The following CAD variants were observed in gnomAD, a reference collection of about 807,000 sequenced individuals.
The protein encoded by CAD is carbamoyl-phosphate synthetase 2, aspartate transcarbamylase, and dihydroorotase.
Under a neutral mutation model 237.2 loss-of-function variants are expected in CAD, and 81 were observed. The observed-to-expected ratio is 0.34, with a 90% CI of 0.29 to 0.41. CAD has a LOEUF of 0.41. CAD is among the 10% of genes least tolerant of loss of function. CAD has a pLI of 1.00. For missense variants in CAD, 2,181 were observed against 2,951.7 expected, an observed-to-expected ratio of 0.74 and a Z score of 6.05; for synonymous variants, 1,196 against 1,162.8, an observed-to-expected ratio of 1.03 and a Z score of -0.58.
chr2:27,232,180 G>T lies in CAD; in HGVS notation c.2601G>T (p.Lys867Asn). Residue 867 changes from lysine to asparagine, a missense_variant, in exon 17 of 44, where the codon AAG (lysine) becomes AAT (asparagine). This residue lies in a region of CAD where 385 missense variants were observed against 535.1 expected (regional missense o/e 0.72). Coordinates refer to ENST00000264705, the MANE Select transcript of CAD (RefSeq NM_004341.5). This position sits in a 1 kb window ranked among gnomAD's most constrained non-coding sequence, Gnocchi z 4.1. Reference protein sequence around the residue: ...PLPPDLLQQAKCLGFSDKQIA... With the variant: ...PLPPDLLQQANCLGFSDKQIA... ...CGCCAGACCTGCTGCAACAGGCCAA[G>T]TGTCTTGGCTTCTCAGACAAACAGA... is the stretch of plus-strand genomic sequence containing the variant. 1 of 1,614,246 alleles carries T rather than the reference G, an allele frequency of 6.2e-7. No homozygotes were observed. Among genetic ancestry groups the T allele is most frequent in the Non-Finnish European group, 8.5e-7 (1 of 1,180,046 alleles).
chr2:27,231,242 G>C (rs149395113), intron 15 of CAD, among the ~76,000 whole-genome samples: 1 of 152,148 alleles, frequency 6.6e-6, no homozygotes, highest in Non-Finnish European at 1.5e-5. Context: ...TCCTGACCTC[G>C]TGATCCTTCC....
Position 27,226,261 on chromosome 2 carries a change from A to C in CAD, c.1973A>C (p.His658Pro), listed in dbSNP as rs780774644. 6.8e-6 allele frequency: 11 copies of C among 1,614,090 alleles called. No individual in the cohort carries two copies. Among genetic ancestry groups the C allele is most frequent in the Non-Finnish European group, 1.7e-6 (2 of 1,180,038 alleles). ...CAGACAGCTATCAAGGTGACCCAGC[A>C]CCTGGGAATTGTTGGGGAGTGCAAT... ...LRQTAIKVTQ[H>P]LGIVGECNVQ... The change falls in exon 13 of 44, where the codon CAC becomes CCC. Residue 658 changes from histidine (H) to proline (P), a missense_variant. Physicochemically the swap from His to Pro is moderately conservative, Grantham distance 77 (BLOSUM62 -2). This residue lies in a region of CAD where 385 missense variants were observed against 535.1 expected (regional missense o/e 0.72). Transcript: ENST00000264705.
rs1470326730 is a variant in CAD, at chr2:27,236,560, G to T, written c.4314+37G>T. 3 of 1,604,980 alleles carry T rather than the reference G, an allele frequency of 1.9e-6. No homozygotes were observed. The highest frequency in any genetic ancestry group is 1.3e-5 in the African/African-American group (1 of 74,840). On this transcript the variant is annotated intron_variant, in intron 26 of 43. Coordinates refer to ENST00000264705, the MANE Select transcript of CAD (RefSeq NM_004341.5). The surrounding 1 kb of genome is among the most constrained non-coding windows in gnomAD (Gnocchi z 4.1). The stretch of plus-strand genomic sequence containing the variant: ...CCATGTGCTGGGAGGGAGACTGCCA[G>T]TGTTGATGGGAAGAAGAAAGAGGGA...
intron 43 of CAD, 46 bp from the exon 44 acceptor site, chr2:27,243,370 G>A (rs1676423690): frequency 6.2e-7 from 1 of 1,603,188 alleles, no homozygotes. Flanking sequence ...AGCCATCCAT[G>A]GGCTGCACGA....
At position 27,221,067 on chromosome 2, in the gene CAD, A is replaced by G. The variant is rs1675140967; in HGVS notation, c.223-151A>G. On this transcript the variant is annotated intron_variant, in intron 2 of 43. Coordinates refer to ENST00000264705, the MANE Select transcript of CAD (RefSeq NM_004341.5). The stretch of plus-strand genomic sequence containing the variant: ...CGTATAGGAGAGAGCGTTGTTGGTA[A>G]ATGGAAATACCTATGCAAAAGCACC... 3 of 485,420 alleles carry G rather than the reference A, an allele frequency of 6.2e-6. 1 individual carries two copies. In the South Asian group the frequency reaches 1.7e-4, roughly 28 times the overall value. The allele number at this position is 485,420 out of a possible 1,614,324, so 30.1% of individuals were successfully genotyped here.
At chr2:27,218,681 C>T (rs1292411470) in intron 2 of CAD, among the ~76,000 whole-genome samples, 1 of 135,272 alleles carries the variant, frequency 7.4e-6, no homozygotes, top group Non-Finnish European at 1.6e-5. Flanking sequence ...AACTGAGTTT[C>T]TTCCTACAGT....
chr2:27,236,576 G>A lies in CAD; in HGVS notation c.4314+53G>A. 1 of 1,601,802 alleles carries A rather than the reference G, an allele frequency of 6.2e-7. No individual in the cohort carries two copies. On this transcript the variant is annotated intron_variant, in intron 26 of 43. Transcript: ENST00000264705. The surrounding 1 kb of genome is among the most constrained non-coding windows in gnomAD (Gnocchi z 4.1). Reference sequence around the variant, plus strand: ...AGACTGCCAGTGTTGATGGGAAGAAGAAAGAGGGAGGAGTGAGTATGGAAC... The same window carrying A: ...AGACTGCCAGTGTTGATGGGAAGAAAAAAGAGGGAGGAGTGAGTATGGAAC...
chr2:27,226,757 G>A (rs1675460300), intron 14 of CAD, 75 bp from the exon 15 acceptor site: 4 of 1,603,256 alleles, frequency 2.5e-6, no homozygotes, highest in Admixed American at 1.7e-5. Context: ...TTGTGGGAAT[G>A]GAAAGAGCTA....
chr2:27,234,725 G>A (rs1675918337), intron 23 of CAD, 40 bp downstream of exon 23: 1 of 1,580,168 alleles, frequency 6.3e-7, no homozygotes, highest in African/African-American at 1.3e-5. Flanking sequence ...CAGAAAAATA[G>A]CGGGAGAGAG....
Position 27,240,653 on chromosome 2 carries a change from G to A in CAD, c.5594-258G>A, listed in dbSNP as rs1487852849. Reference sequence around the variant, plus strand: ...GTTGTTGGTTGGTGTGAGTCTGGCCGTTCCTCTTGCCTAGGATGCCTTTGC... The same window carrying A: ...GTTGTTGGTTGGTGTGAGTCTGGCCATTCCTCTTGCCTAGGATGCCTTTGC... On this transcript the variant is annotated intron_variant, in intron 35 of 43. Coordinates refer to ENST00000264705, the MANE Select transcript of CAD (RefSeq NM_004341.5). This position sits in a 1 kb window ranked among gnomAD's most constrained non-coding sequence, Gnocchi z 4.6. 21 of 1,539,690 alleles carry A rather than the reference G, an allele frequency of 1.4e-5. No individual in the cohort carries two copies. The highest frequency in any genetic ancestry group is 1.6e-5 in the Non-Finnish European group (18 of 1,139,770).
intron 10 of CAD, 26 bp from the exon 11 acceptor site, chr2:27,224,984 C>G (rs762949328): frequency 2.5e-6 from 4 of 1,605,300 alleles, no homozygotes; most frequent in Non-Finnish European, 3.4e-6. Context: ...GGTTCTGATG[C>G]CTGTAACTCC....
In CAD at chr2:27,238,606, T is replaced by C. The variant is rs1456439065; in HGVS notation, c.5036T>C (p.Val1679Ala). ...GAAGCCCTGTGGGAGAACATGGCTGTCATCGACTGCTTTGCCTCAGACCAT... is the reference window on the plus strand; with the variant it reads ...GAAGCCCTGTGGGAGAACATGGCTGCCATCGACTGCTTTGCCTCAGACCAT... ...DVEALWENMA[V>A]IDCFASDHAP... The change falls in exon 31 of 44, where the codon GTC becomes GCC. Residue 1679 changes from valine to alanine, a missense_variant. Coordinates refer to ENST00000264705, the MANE Select transcript of CAD (RefSeq NM_004341.5). 1 of 1,613,126 alleles carries C rather than the reference T, an allele frequency of 6.2e-7. No homozygotes were observed. The highest frequency in any genetic ancestry group is 1.1e-5 in the South Asian group (1 of 90,908).
At position 27,233,511 on chromosome 2, in the gene CAD, AGTGGAGGGAGCTCAGTGACCTCGAG is replaced by A; in HGVS notation, c.3196_3216+4del. 1 of 1,614,178 alleles carries A rather than the reference AGTGGAGGGAGCTCAGTGACCTCGAG, an allele frequency of 6.2e-7. No individual in the cohort carries two copies. The highest frequency in any genetic ancestry group is 8.5e-7 in the Non-Finnish European group (1 of 1,180,012). On this transcript the variant is annotated frameshift_variant and splice_region_variant, in exon 20 of 44. Transcript: ENST00000264705. LOFTEE classifies it high-confidence loss of function. The surrounding 1 kb of genome is among the most constrained non-coding windows in gnomAD (Gnocchi z 6.3). ...GACACCATTGGTATCAGCCAGCCTCAGTGGAGGGAGCTCAGTGACCTCGAGGTGGGCTGGGACCTGGTGGGTTACC... is the reference window on the plus strand; with the variant it reads ...GACACCATTGGTATCAGCCAGCCTCAGTGGGCTGGGACCTGGTGGGTTACC...
chr2:27,242,412 T>A lies in CAD; in HGVS notation c.6207T>A (p.Thr2069=). The A allele has an allele frequency of 6.2e-7, 1 of 1,613,878 alleles. No individual in the cohort carries two copies. The highest frequency in any genetic ancestry group is 1.3e-5 in the African/African-American group (1 of 75,046). The change falls in exon 40 of 44, where the codon ACT becomes ACA. Residue 2069 remains threonine, a synonymous_variant. Coordinates refer to ENST00000264705, the MANE Select transcript of CAD (RefSeq NM_004341.5). The surrounding 1 kb of genome is among the most constrained non-coding windows in gnomAD (Gnocchi z 6.4). ...TCACCATCCGTGAGGAGCTGGGAAC[T>A]GTCAATGGCATGACGGTGAGGGTGG... ...DIFTIREELG[T]VNGMTITMVG... is the part of the protein sequence containing the mutation.
Position 27,235,223 on chromosome 2 carries a change from C to G in CAD, c.3787-22C>G, listed in dbSNP as rs200377249. ...AGGTCCTCTCACACCTTGGCCCTCT[C>G]TCTTCCCTCCCGCCCCTTTAGGTGC... is the stretch of plus-strand genomic sequence containing the variant. On this transcript the variant is annotated intron_variant, in intron 23 of 43. Coordinates refer to ENST00000264705, the MANE Select transcript of CAD (RefSeq NM_004341.5). The surrounding 1 kb of genome is among the most constrained non-coding windows in gnomAD (Gnocchi z 5.2). 2 of 1,583,020 alleles carry G rather than the reference C, an allele frequency of 1.3e-6. No individual in the cohort carries two copies. The highest frequency in any genetic ancestry group is 2.7e-5 in the African/African-American group (2 of 74,358).
Position 27,238,419 on chromosome 2 carries a change from A to G in CAD, c.4861-12A>G, listed in dbSNP as rs201089972. Reference sequence around the variant, plus strand: ...GGTGGTGCCTCTTCTGGATCTTCCCATTGTTCCCCAGATCCTGCTAATTAA... The same window carrying G: ...GGTGGTGCCTCTTCTGGATCTTCCCGTTGTTCCCCAGATCCTGCTAATTAA... On this transcript the variant is annotated splice_polypyrimidine_tract_variant and intron_variant, in intron 30 of 43. Coordinates refer to ENST00000264705, the MANE Select transcript of CAD (RefSeq NM_004341.5). 4.1e-4 allele frequency: 631 copies of G among 1,557,348 alleles called. No homozygotes were observed. Among genetic ancestry groups the G allele is most frequent in the Non-Finnish European group, 5.1e-4 (589 of 1,150,994 alleles).
intron 15 of CAD, among the ~76,000 whole-genome samples, chr2:27,227,198 TCTC>T (rs1244318690): frequency 3.3e-5 from 5 of 152,192 alleles, no homozygotes; most frequent in African/African-American, 1.2e-4. Flanking sequence ...TTTTGCAGTA[TCTC>T]CTCCTCTGGC....
chr2:27,220,688 TG>T (rs1287156426), intron 2 of CAD, among the ~76,000 whole-genome samples: 5 of 147,398 alleles, frequency 3.4e-5, no homozygotes, highest in Non-Finnish European at 7.4e-5. Flanking sequence ...CTAGGTGCGA[TG>T]GCTCACTCCT....
rs1379721718 is a variant in CAD, at chr2:27,239,264, G to C, written c.5253+32G>C. 2 of 1,600,668 alleles carry C rather than the reference G, an allele frequency of 1.2e-6. No individual in the cohort carries two copies. Among genetic ancestry groups the C allele is most frequent in the African/African-American group, 1.3e-5 (1 of 74,696 alleles). Reference sequence around the variant, plus strand: ...GGATGAGGCCCAGAGCAGGAGGGGGGCTCTCCAGCCCTAGGATATGTTCTC... The same window carrying C: ...GGATGAGGCCCAGAGCAGGAGGGGGCCTCTCCAGCCCTAGGATATGTTCTC... On this transcript the variant is annotated intron_variant, in intron 32 of 43. Transcript: ENST00000264705. The surrounding 1 kb of genome is among the most constrained non-coding windows in gnomAD (Gnocchi z 4.0).
Sources: gnomAD v4.1 joint callset for allele counts (sites outside exome capture counted in the v4.1 genomes callset) on GRCh38, gnomAD v4.1.1 for gene constraint, gnomAD v4.1.1 regional missense constraint, Gnocchi (gnomAD v3.1) non-coding constraint, MANE v1.5 for transcripts, NCBI Gene and HGNC (gene_info 2026-07-23, HGNC 2026-07-21) for gene names.